Variants in SLC10A7 observed in about 807,000 individuals in gnomAD.
SLC10A7 encodes the protein sodium/bile acid cotransporter 7.
A neutral mutation model predicts 43.2 loss-of-function variants in SLC10A7; 29 were observed. That is an observed-to-expected ratio of 0.67 (90% CI 0.50 to 0.92). The LOEUF (loss-of-function observed/expected upper bound fraction) is 0.92, where lower values mean the gene tolerates loss of function less well. SLC10A7 is among the 40% of genes least tolerant of loss of function. The probability of loss-of-function intolerance (pLI) is 0.00; values close to 1 mark genes in which losing one functional copy is unlikely to be tolerated. For missense variants in SLC10A7, 295 were observed against 403.2 expected (o/e 0.73, Z 2.30); for synonymous variants, 152 against 144.8 (o/e 1.05, Z -0.35).
intron 5 of SLC10A7, among the ~76,000 whole-genome samples, chr4:146,371,201 G>C (rs1736751076): frequency 6.6e-6 from 1 of 152,166 alleles, no homozygotes; most frequent in Non-Finnish European, 1.5e-5. Flanking sequence ...AGATAGATTA[G>C]GGTTCAAATC....
At chr4:146,290,136 A>G (rs937805447) in intron 9 of SLC10A7, among the ~76,000 whole-genome samples, 10 of 151,022 alleles carry the variant, frequency 6.6e-5, no homozygotes, top group East Asian at 2.0e-4. Flanking sequence ...CATCCTGGCT[A>G]ACATGCTGAA....
At chr4:146,297,132 A>G (rs1408786086) in intron 7 of SLC10A7, among the ~76,000 whole-genome samples, 1 of 152,160 alleles carries the variant, frequency 6.6e-6, no homozygotes, top group South Asian at 2.1e-4. Flanking sequence ...CAGAATCTAT[A>G]CTAATTAATT....
chr4:146,279,757 A>G (rs559770470), intron 10 of SLC10A7, among the ~76,000 whole-genome samples: 185 of 152,298 alleles, frequency 1.2e-3, no homozygotes, highest in African/African-American at 4.3e-3. Context: ...CAGGCTTTCC[A>G]GATGGATTAT....
intron 2 of SLC10A7, chr4:146,515,247 G>A (rs572597068): frequency 1.2e-5 from 8 of 684,710 alleles, no homozygotes; most frequent in East Asian, 8.1e-5. Flanking sequence ...ATAGAGCAAC[G>A]CCCCAAGTAA....
intron 6 of SLC10A7, among the ~76,000 whole-genome samples, chr4:146,307,375 C>G (rs1028347184): frequency 6.6e-6 from 1 of 152,050 alleles, no homozygotes; most frequent in African/African-American, 2.4e-5. Flanking sequence ...AAAAGTGAAA[C>G]TGGAAAAGAA....
At chr4:146,382,137 T>C (rs1737670557) in intron 5 of SLC10A7, among the ~76,000 whole-genome samples, 1 of 152,126 alleles carries the variant, frequency 6.6e-6, no homozygotes, top group Non-Finnish European at 1.5e-5. Flanking sequence ...TTCCAAGTAC[T>C]CTGGGTTCTG....
chr4:146,493,029 A>C (rs1276648405), intron 4 of SLC10A7, among the ~76,000 whole-genome samples: 2 of 152,236 alleles, frequency 1.3e-5, no homozygotes, highest in Non-Finnish European at 2.9e-5. Flanking sequence ...TAAATTATTA[A>C]GAATAAGTCT....
intron 5 of SLC10A7, among the ~76,000 whole-genome samples, chr4:146,399,088 T>C (rs1179430351): frequency 2.0e-5 from 3 of 152,204 alleles, no homozygotes; most frequent in Non-Finnish European, 4.4e-5. Context: ...AAGGCCACTG[T>C]AGAGCTGTCA....
chr4:146,337,039 A>ATT (rs1560810797), intron 5 of SLC10A7, among the ~76,000 whole-genome samples: 76 of 152,162 alleles, frequency 5.0e-4, no homozygotes, highest in African/African-American at 1.8e-3. Flanking sequence ...GAGTGACAAA[A>ATT]ACAATTTGAA....
intron 4 of SLC10A7, among the ~76,000 whole-genome samples, chr4:146,466,564 T>C (rs1378022359): frequency 1.3e-5 from 2 of 152,220 alleles, no homozygotes; most frequent in African/African-American, 4.8e-5. Context: ...AAAATCTGTT[T>C]TTCTGACCCA....
intron 2 of SLC10A7, among the ~76,000 whole-genome samples, chr4:146,516,544 C>A (rs1560988347): frequency 1.3e-5 from 2 of 150,318 alleles, no homozygotes; most frequent in South Asian, 4.3e-4. Flanking sequence ...CAATATTTCT[C>A]TTAAGACATC....
chr4:146,356,087 A>C (rs1735604861), intron 5 of SLC10A7, among the ~76,000 whole-genome samples: 1 of 149,144 alleles, frequency 6.7e-6, no homozygotes, highest in Non-Finnish European at 1.5e-5. Flanking sequence ...TAGTCTTTTA[A>C]AAAGAAAAAG....
At chr4:146,256,886 G>A (rs1459834701) in intron 11 of SLC10A7, 1 of 1,536,360 alleles carries the variant, frequency 6.5e-7, no homozygotes. Flanking sequence ...GATATTCCAA[G>A]CCTTCTGGAT....
At chr4:146,391,592 T>C (rs1186958831) in intron 5 of SLC10A7, among the ~76,000 whole-genome samples, 3 of 152,248 alleles carry the variant, frequency 2.0e-5, no homozygotes, top group African/African-American at 4.8e-5. Flanking sequence ...CGCTGGTCAA[T>C]TGTTAGGGAC....
chr4:146,389,299 C>T (rs563666186), intron 5 of SLC10A7, among the ~76,000 whole-genome samples: 1 of 139,606 alleles, frequency 7.2e-6, no homozygotes, highest in East Asian at 2.1e-4. Flanking sequence ...CCATTTGTGT[C>T]CCCTAAGTCT....
At chr4:146,298,443 A>G (rs1730930081) in intron 7 of SLC10A7, among the ~76,000 whole-genome samples, 1 of 152,224 alleles carries the variant, frequency 6.6e-6, no homozygotes, top group Admixed American at 6.5e-5. Context: ...GACTAATATG[A>G]AAGGCCCATC....
At chr4:146,302,052 T>C (rs1237017304) in intron 7 of SLC10A7, among the ~76,000 whole-genome samples, 1 of 152,236 alleles carries the variant, frequency 6.6e-6, no homozygotes, top group Non-Finnish European at 1.5e-5. Flanking sequence ...ATACATTATA[T>C]AACCCTAGAC....
chr4:146,503,207 G>A (rs1736579537), intron 4 of SLC10A7, among the ~76,000 whole-genome samples: 1 of 152,122 alleles, frequency 6.6e-6, no homozygotes, highest in Non-Finnish European at 1.5e-5. Flanking sequence ...TTTTCTGAAT[G>A]AGAGAATATA....
At chr4:146,486,292 T>C (rs919702135) in intron 4 of SLC10A7, among the ~76,000 whole-genome samples, 1 of 152,216 alleles carries the variant, frequency 6.6e-6, no homozygotes, top group Non-Finnish European at 1.5e-5. Context: ...AAAGCTAGCC[T>C]TTTAATAGCA....
Sources: gnomAD v4.1 joint callset for allele counts (sites outside exome capture counted in the v4.1 genomes callset) on GRCh38, gnomAD v4.1.1 for gene constraint, MANE v1.5 for transcripts, NCBI Gene and HGNC (gene_info 2026-07-23, HGNC 2026-07-21) for gene names.